Variants in RNF150 observed in about 807,000 individuals in gnomAD.
The protein encoded by RNF150 is ring finger protein 150.
In RNF150, 24 loss-of-function variants were observed where a neutral mutation model predicts 39.3. The ratio of observed to expected loss-of-function variants is 0.61; its 90% confidence interval spans 0.44 to 0.86. The LOEUF (loss-of-function observed/expected upper bound fraction) is 0.86. Ranked by LOEUF, RNF150 falls within the 40% of genes least tolerant of loss-of-function variation. The pLI, the probability that RNF150 is intolerant of heterozygous loss-of-function variation, is 0.00. For missense variants in RNF150, 502 were observed against 587.8 expected, an observed-to-expected ratio of 0.85 and a Z score of 1.51; for synonymous variants, 255 against 227.3, an observed-to-expected ratio of 1.12 and a Z score of -1.10.
chr4:140,955,007 T>G (rs1185191426), intron 2 of RNF150, among the ~76,000 whole-genome samples: 1 of 152,198 alleles, frequency 6.6e-6, no homozygotes, highest in Non-Finnish European at 1.5e-5. Flanking sequence ...GAAAGATAAC[T>G]AAGTGTTCTT....
At chr4:141,158,133 A>G (rs1284432027) in intron 1 of RNF150, among the ~76,000 whole-genome samples, 1 of 152,186 alleles carries the variant, frequency 6.6e-6, no homozygotes, top group Non-Finnish European at 1.5e-5. Context: ...TCTACTAAAA[A>G]TACAAAAATT....
chr4:141,192,566 G>A (rs1728127392), intron 1 of RNF150, among the ~76,000 whole-genome samples: 1 of 152,168 alleles, frequency 6.6e-6, no homozygotes, highest in African/African-American at 2.4e-5. Context: ...AGGTCTATCT[G>A]AGACACAACA....
intron 1 of RNF150, among the ~76,000 whole-genome samples, chr4:141,069,909 C>T (rs1415390981): frequency 1.3e-5 from 2 of 152,072 alleles, no homozygotes; most frequent in East Asian, 3.9e-4. Context: ...GTGATATCCC[C>T]TTTATCATTT....
At chr4:141,048,080 T>C (rs1651646885) in intron 1 of RNF150, among the ~76,000 whole-genome samples, 1 of 152,334 alleles carries the variant, frequency 6.6e-6, no homozygotes, top group East Asian at 1.9e-4. Context: ...TCCCACTTCC[T>C]ATCGGGTCCT....
chr4:140,907,618 A>AGAG lies in RNF150; in HGVS notation c.1198+3523_1198+3525dup, dbSNP rs1294923503. Among the ~76,000 whole-genome samples, 3 of 152,246 alleles carry AGAG rather than the reference A, an allele frequency of 2.0e-5. No individual in the cohort carries two copies. In the East Asian group the frequency reaches 5.8e-4, roughly 29 times the overall value. On this transcript the variant is annotated intron_variant, in intron 6 of 6. Coordinates refer to ENST00000515673, the MANE Select transcript of RNF150 (RefSeq NM_020724.2). ...AAGTAAACAAATTTTTGATCTTTTA[A>AGAG]GAGATTTAGAAAAATGGAAGAACTG...
intron 1 of RNF150, among the ~76,000 whole-genome samples, chr4:141,084,270 T>C (rs1306623163): frequency 6.6e-6 from 1 of 152,212 alleles, no homozygotes; most frequent in African/African-American, 2.4e-5. Context: ...GTAGCAATAT[T>C]ATATATTCCA....
At chr4:140,974,185 T>C (rs1409270831) in intron 1 of RNF150, among the ~76,000 whole-genome samples, 1 of 152,196 alleles carries the variant, frequency 6.6e-6, no homozygotes, top group African/African-American at 2.4e-5. Context: ...CCTCACTCTC[T>C]GCTTTCCCTT....
At chr4:141,181,068 A>G (rs1413654948) in intron 1 of RNF150, among the ~76,000 whole-genome samples, 1 of 152,182 alleles carries the variant, frequency 6.6e-6, no homozygotes, top group Non-Finnish European at 1.5e-5. Context: ...TGCCCATGCT[A>G]GAGGTATTAT....
chr4:140,910,302 T>A (rs1000684214), intron 6 of RNF150, among the ~76,000 whole-genome samples: 2 of 152,210 alleles, frequency 1.3e-5, no homozygotes, highest in African/African-American at 4.8e-5. Context: ...ACACTTCGTA[T>A]AAAAGTTGCA....
chr4:140,883,240 G>C (rs1027335036), intron 6 of RNF150, among the ~76,000 whole-genome samples: 2 of 151,976 alleles, frequency 1.3e-5, no homozygotes, highest in Admixed American at 1.3e-4. Flanking sequence ...CATTAAAGTA[G>C]TTTTTTTCAC....
intron 1 of RNF150, among the ~76,000 whole-genome samples, chr4:141,065,817 C>T (rs969243940): frequency 1.3e-5 from 2 of 152,004 alleles, no homozygotes; most frequent in Non-Finnish European, 2.9e-5. Flanking sequence ...CTTGGATGAC[C>T]TCTGTCTACC....
intron 1 of RNF150, among the ~76,000 whole-genome samples, chr4:141,009,771 A>C (rs1472948880): frequency 6.6e-6 from 1 of 152,118 alleles, no homozygotes. Context: ...CCACCAACTT[A>C]ATGTTAATCT....
intron 1 of RNF150, among the ~76,000 whole-genome samples, chr4:141,021,414 CT>C (rs1168127351): frequency 5.9e-5 from 9 of 152,162 alleles, no homozygotes; most frequent in Admixed American, 2.0e-4. Context: ...TGTAGTCTGG[CT>C]TTGTTCTCCA....
In RNF150 at chr4:141,045,053, C is replaced by G. The variant is rs141254538; in HGVS notation, c.485-77180G>C. 3.3e-3 allele frequency among the ~76,000 whole-genome samples: 503 copies of G among 152,270 alleles called. 2 individuals are homozygous for G. Among genetic ancestry groups the G allele is most frequent in the African/African-American group, 9.1e-3 (378 of 41,556 alleles). On this transcript the variant is annotated intron_variant, in intron 1 of 6. Coordinates refer to ENST00000515673, the MANE Select transcript of RNF150 (RefSeq NM_020724.2). ...AGGTACATCCCAATGGTATTCCCAT[C>G]ATATATGTAAAAAAACTGGCAGCCT...
intron 4 of RNF150, among the ~76,000 whole-genome samples, chr4:140,944,997 A>T (rs1012542974): frequency 6.6e-6 from 1 of 152,242 alleles, no homozygotes; most frequent in African/African-American, 2.4e-5. Flanking sequence ...CTACATGGAA[A>T]AAATGTATGA....
intron 1 of RNF150, among the ~76,000 whole-genome samples, chr4:141,142,765 A>T (rs1352586916): frequency 6.6e-6 from 1 of 152,174 alleles, no homozygotes; most frequent in African/African-American, 2.4e-5. Context: ...ACTCCTAGGA[A>T]AATGTTGGGG....
upstream of RNF150, among the ~76,000 whole-genome samples, chr4:141,136,090 C>G (rs1326258722): frequency 6.6e-6 from 1 of 152,080 alleles, no homozygotes; most frequent in African/African-American, 2.4e-5. Flanking sequence ...AGAACTGATC[C>G]AAATTGAAGA....
Position 141,115,900 on chromosome 4 carries a change from C to T in RNF150, c.484+16425G>A, listed in dbSNP as rs201246053. On this transcript the variant is annotated intron_variant, in intron 1 of 6. Coordinates refer to ENST00000515673, the MANE Select transcript of RNF150 (RefSeq NM_020724.2). The stretch of plus-strand genomic sequence containing the variant: ...AAAACACACAATGGGGACAGGATTC[C>T]CTATTTAACAAATGGGTTTTGGAAA... 2.2e-4 allele frequency among the ~76,000 whole-genome samples: 33 copies of T among 152,282 alleles called. No homozygotes were observed. In the East Asian group the frequency reaches 6.4e-3, roughly 29 times the overall value.
chr4:140,877,012 T>G (rs1296930183), intron 6 of RNF150, among the ~76,000 whole-genome samples: 4 of 152,232 alleles, frequency 2.6e-5, no homozygotes, highest in African/African-American at 9.6e-5. Flanking sequence ...TCATTTGGAT[T>G]TGGTGAAGGA....
Sources: gnomAD v4.1 joint callset for allele counts (sites outside exome capture counted in the v4.1 genomes callset) on GRCh38, gnomAD v4.1.1 for gene constraint, MANE v1.5 for transcripts, NCBI Gene and HGNC (gene_info 2026-07-23, HGNC 2026-07-21) for gene names.